The following HPS4 variants were observed in gnomAD, a reference collection of about 807,000 sequenced individuals.
HPS4 encodes HPS4 biogenesis of lysosomal organelles complex 3 subunit 2, also known as BLOC-3 complex member HPS4.
HPS4 carries 44 observed loss-of-function variants against 70.3 expected under a neutral mutation model. The ratio of observed to expected loss-of-function variants is 0.63; its 90% CI spans 0.49 to 0.80. HPS4 has a LOEUF of 0.80. Among genes scored for constraint, HPS4 ranks in the 30% least tolerant of loss-of-function variants. The pLI, the probability that HPS4 is intolerant of heterozygous loss-of-function variation, is 0.00. For synonymous variants in HPS4, 377 were observed against 355.9 expected (o/e 1.06, Z -0.67); for missense variants, 873 against 884.4 (o/e 0.99, Z 0.16).
In HPS4 at chr22:26,478,096, A is replaced by G. The variant is rs184083194; in HGVS notation, c.133-960T>C. The stretch of plus-strand genomic sequence containing the variant: ...AAAATTTGAATACAGTCTGGGTATC[A>G]GGTAATATTAAGGAATTACTGTTAC... On this transcript the variant is annotated intron_variant, in intron 3 of 13. Transcript: ENST00000398145. Among the ~76,000 whole-genome samples, 127 of 152,340 alleles carry G rather than the reference A, an allele frequency of 8.3e-4. 1 individual carries two copies. The highest frequency in any genetic ancestry group is 2.9e-3 in the African/African-American group (119 of 41,572).
chr22:26,480,030 T>A (rs1234034350), intron 2 of HPS4, among the ~76,000 whole-genome samples: 1 of 152,238 alleles, frequency 6.6e-6, no homozygotes, highest in Non-Finnish European at 1.5e-5. Flanking sequence ...CCCAGAGATA[T>A]CTCTTTGTTC....
rs2089142188 is a variant in HPS4, at chr22:26,468,481, T to C, written c.669+70A>G. ...CTCCACGGCCTCTGCTCCTGATCCCTCCAGCCTCAGGCTCAGTGACCAGTG... is the reference window on the plus strand; with the variant it reads ...CTCCACGGCCTCTGCTCCTGATCCCCCCAGCCTCAGGCTCAGTGACCAGTG... On this transcript the variant is annotated intron_variant, in intron 8 of 13. Coordinates refer to ENST00000398145, the MANE Select transcript of HPS4 (RefSeq NM_022081.6). 1.6e-5 allele frequency: 22 copies of C among 1,375,984 alleles called. No homozygotes were observed. In the South Asian group the frequency reaches 2.6e-4, roughly 17 times the overall value. 85.2% of individuals were successfully genotyped at this position (1,375,984 alleles called of 1,614,324 possible). A position where few individuals can be genotyped will look rare whatever the true frequency, so the allele number is the denominator to read the frequency against.
intron 11 of HPS4, among the ~76,000 whole-genome samples, chr22:26,463,465 T>C (rs892192032): frequency 1.3e-4 from 20 of 152,184 alleles, no homozygotes; most frequent in African/African-American, 4.8e-4. Context: ...CACGTACGTG[T>C]GCAGTCTCTG....
chr22:26,443,303 A>G (rs1332423935), downstream of HPS4: 3 of 982,844 alleles, frequency 3.1e-6, no homozygotes, highest in Admixed American at 5.9e-5. Flanking sequence ...TTCCATGCTC[A>G]GAAACCTGCC....
chr22:26,479,747 A>G, intron 2 of HPS4: 1 of 941,072 alleles, frequency 1.1e-6, no homozygotes, highest in Non-Finnish European at 1.3e-6. Context: ...CACTCCTCAT[A>G]AGTGCTGAGC....
intron 11 of HPS4, among the ~76,000 whole-genome samples, chr22:26,459,206 G>C (rs1198493423): frequency 1.3e-5 from 2 of 152,306 alleles, no homozygotes; most frequent in African/African-American, 4.8e-5. Flanking sequence ...TGGCTTTCTT[G>C]GAAGGACTGA....
At chr22:26,443,440 T>C (rs907285381), downstream of HPS4, 9 of 474,882 alleles carry the variant, frequency 1.9e-5, no homozygotes, top group African/African-American at 1.6e-4. Flanking sequence ...ATCATTTGCT[T>C]CAGAGACTCC....
rs531847826 is a variant in HPS4, at chr22:26,476,830, A to C, written c.276+163T>G. On this transcript the variant is annotated intron_variant, in intron 4 of 13. Transcript: ENST00000398145. ...ATGTTTTGGAAAGCACTTGATGATG[A>C]AAACCTGCAGAGAGTACCACAGGAA... The C allele has an allele frequency of 1.1e-5, 8 of 721,490 alleles. No homozygotes were observed. In the East Asian group the frequency reaches 1.9e-4, roughly 17 times the overall value. 44.7% of individuals were successfully genotyped at this position (721,490 alleles called of 1,614,324 possible). A position where few individuals can be genotyped will look rare whatever the true frequency, so the allele number is the denominator to read the frequency against.
chr22:26,472,743 T>C (rs1464725858), intron 5 of HPS4, 89 bp downstream of exon 5: 3 of 1,006,632 alleles, frequency 3.0e-6, no homozygotes, highest in African/African-American at 3.2e-5. Flanking sequence ...ATATGAAGTA[T>C]ACAAGACCCC....
intron 4 of HPS4, among the ~76,000 whole-genome samples, chr22:26,474,220 CAG>C (rs2146850815): frequency 6.6e-6 from 1 of 152,304 alleles, no homozygotes; most frequent in South Asian, 2.1e-4. Context: ...GGTACTCACA[CAG>C]AATCTTCAAA....
At chr22:26,474,779 G>A (rs566872746) in intron 4 of HPS4, among the ~76,000 whole-genome samples, 1 of 152,234 alleles carries the variant, frequency 6.6e-6, no homozygotes, top group South Asian at 2.1e-4. Flanking sequence ...GCTTTGAATG[G>A]ACACTTCACA....
Position 26,452,461 on chromosome 22 carries a change from G to A in HPS4, c.*772C>T. 1.2e-5 allele frequency: 5 copies of A among 434,340 alleles called. No individual in the cohort carries two copies. Among genetic ancestry groups the A allele is most frequent in the Non-Finnish European group, 1.8e-5 (4 of 217,184 alleles). The allele number at this position is 434,340 out of a possible 1,614,324, so 26.9% of individuals were successfully genotyped here. A position where few individuals can be genotyped will look rare whatever the true frequency, so the allele number is the denominator to read the frequency against. ...TGTAAACTCCTATTTAGGGACACTC[G>A]CTCGAGAGGAACCAGCTGCACGGCC... is the stretch of plus-strand genomic sequence containing the variant. On this transcript the variant is annotated 3_prime_UTR_variant, in exon 14 of 14. Coordinates refer to ENST00000398145, the MANE Select transcript of HPS4 (RefSeq NM_022081.6).
At chr22:26,469,925 T>G (rs2089496783) in intron 7 of HPS4, among the ~76,000 whole-genome samples, 1 of 152,172 alleles carries the variant, frequency 6.6e-6, no homozygotes, top group South Asian at 2.1e-4. Context: ...ACAAGGGATG[T>G]CTATTTCCCA....
intron 9 of HPS4, chr22:26,465,876 A>G (rs1300866777): frequency 8.9e-6 from 5 of 564,902 alleles, no homozygotes; most frequent in African/African-American, 7.5e-5. Flanking sequence ...ATAAATCGAA[A>G]TAACTCTCCT....
chr22:26,446,686 G>A (rs914733788), downstream of HPS4, among the ~76,000 whole-genome samples: 5 of 152,110 alleles, frequency 3.3e-5, no homozygotes, highest in South Asian at 2.1e-4. Context: ...GTGTAACACC[G>A]GGCAGGCCAC....
At chr22:26,471,774 C>T (rs1220147477) in intron 6 of HPS4, among the ~76,000 whole-genome samples, 1 of 152,192 alleles carries the variant, frequency 6.6e-6, no homozygotes, top group African/African-American at 2.4e-5. Flanking sequence ...GCTCAGGTAG[C>T]TGGCTCTTAA....
chr22:26,473,014 G>T, intron 4 of HPS4, 75 bp from the exon 5 acceptor site: 1 of 1,292,100 alleles, frequency 7.7e-7, no homozygotes, highest in East Asian at 2.3e-5. Flanking sequence ...GGCATCCAGG[G>T]CTCTCAATTA....
At chr22:26,459,328 ATAAAGT>A (rs921413235) in intron 11 of HPS4, among the ~76,000 whole-genome samples, 2 of 152,256 alleles carry the variant, frequency 1.3e-5, no homozygotes, top group African/African-American at 2.4e-5. Context: ...CTCCAAGGAG[ATAAAGT>A]TTAAGTACAA....
downstream of HPS4, among the ~76,000 whole-genome samples, chr22:26,448,952 T>C (rs1463903281): frequency 6.6e-6 from 1 of 152,132 alleles, no homozygotes; most frequent in Non-Finnish European, 1.5e-5. Flanking sequence ...AGGAGACAAG[T>C]GCTTTCCCAC....
Sources: allele counts gnomAD v4.1 joint callset (sites outside exome capture counted in the v4.1 genomes callset), GRCh38; gene constraint gnomAD v4.1.1; transcripts MANE v1.5; gene names NCBI Gene and HGNC (gene_info 2026-07-23, HGNC 2026-07-21).